PRKN: variants seen among roughly 807,000 people sequenced by gnomAD.
The protein encoded by PRKN is parkin RBR E3 ubiquitin protein ligase.
A neutral mutation model predicts 59.5 loss-of-function variants in PRKN; 56 were observed. The ratio of observed to expected loss-of-function variants is 0.94; its 90% CI spans 0.76 to 1.18. The LOEUF (loss-of-function observed/expected upper bound fraction) is 1.18, where lower values mean the gene tolerates loss of function less well. Among genes scored for constraint, PRKN ranks in the 50% most tolerant of loss-of-function variants. The probability of loss-of-function intolerance (pLI) is 0.00; values close to 1 mark genes in which losing one functional copy is unlikely to be tolerated. For synonymous variants in PRKN, 250 were observed against 222.1 expected (o/e 1.13, Z -1.12); for missense variants, 657 against 596.4 (o/e 1.10, Z -1.06).
intron 6 of PRKN, among the ~76,000 whole-genome samples, chr6:161,822,345 C>G (rs1448807892): frequency 6.6e-6 from 1 of 152,148 alleles, no homozygotes; most frequent in Admixed American, 6.6e-5. Flanking sequence ...GTAGACGCAA[C>G]AGCAGAAGCT....
At chr6:161,707,441 A>G (rs942409144) in intron 7 of PRKN, among the ~76,000 whole-genome samples, 1 of 152,334 alleles carries the variant, frequency 6.6e-6, no homozygotes. Context: ...CTCCAATAGG[A>G]AAGAAATGCT....
At chr6:161,807,246 C>A (rs937251076) in intron 6 of PRKN, among the ~76,000 whole-genome samples, 1 of 152,158 alleles carries the variant, frequency 6.6e-6, no homozygotes, top group Non-Finnish European at 1.5e-5. Flanking sequence ...CACGTGTGCA[C>A]ACACACACGA....
At position 161,363,802 on chromosome 6, in the gene PRKN, T is replaced by A. The variant is rs375399733; in HGVS notation, c.1168-3597A>T. Among the ~76,000 whole-genome samples, 2 of 152,128 alleles carry A rather than the reference T, an allele frequency of 1.3e-5. No homozygotes were observed. The highest frequency in any genetic ancestry group is 2.9e-5 in the Non-Finnish European group (2 of 68,020). ...TCCAAGCAAAATTAATTTTTAAGAA[T>A]GAGCATAAATAAAAACACAGTAATA... On this transcript the variant is annotated intron_variant, in intron 10 of 11. Coordinates refer to ENST00000366898, the MANE Select transcript of PRKN (RefSeq NM_004562.3). The surrounding 1 kb of genome is among the most constrained non-coding windows in gnomAD (Gnocchi z 4.1).
At chr6:161,972,685 G>C (rs1212093385) in intron 6 of PRKN, among the ~76,000 whole-genome samples, 1 of 152,206 alleles carries the variant, frequency 6.6e-6, no homozygotes, top group Admixed American at 6.5e-5. Context: ...GTATGGAAAA[G>C]ACATTTTAAA....
chr6:161,749,917 C>A (rs1318932502), intron 7 of PRKN, among the ~76,000 whole-genome samples: 1 of 152,094 alleles, frequency 6.6e-6, no homozygotes, highest in East Asian at 1.9e-4. Context: ...CAGATTTTAT[C>A]CTTTGTAAAA....
At chr6:161,438,342 TGAG>T (rs1192101142) in intron 9 of PRKN, among the ~76,000 whole-genome samples, 6 of 150,368 alleles carry the variant, frequency 4.0e-5, no homozygotes, top group Non-Finnish European at 8.8e-5. Context: ...CTCAGCCTCC[TGAG>T]GAGCTAGAAC....
intron 5 of PRKN, among the ~76,000 whole-genome samples, chr6:162,004,871 G>C (rs1782189706): frequency 6.6e-6 from 1 of 152,130 alleles, no homozygotes; most frequent in Non-Finnish European, 1.5e-5. Flanking sequence ...TGTTGATGTT[G>C]GGCTCAGTGG....
intron 6 of PRKN, among the ~76,000 whole-genome samples, chr6:161,917,636 T>G (rs1425125537): frequency 6.6e-6 from 1 of 152,222 alleles, no homozygotes; most frequent in Non-Finnish European, 1.5e-5. Context: ...AAGCTTCTTA[T>G]GAAATCCTAA....
chr6:162,539,814 G>A (rs777737439), intron 1 of PRKN, among the ~76,000 whole-genome samples: 3 of 152,108 alleles, frequency 2.0e-5, no homozygotes, highest in African/African-American at 7.2e-5. Flanking sequence ...AGATTATAAA[G>A]ACACATGCAA....
At chr6:162,341,396 C>G (rs1027354727) in intron 2 of PRKN, among the ~76,000 whole-genome samples, 2 of 152,136 alleles carry the variant, frequency 1.3e-5, no homozygotes, top group Non-Finnish European at 2.9e-5. Flanking sequence ...ACCCAGCAAT[C>G]CCATTACTGG....
chr6:162,011,453 TAA>T (rs1171767798), intron 5 of PRKN, among the ~76,000 whole-genome samples: 2 of 20,902 alleles, frequency 9.6e-5, no homozygotes, highest in African/African-American at 1.3e-3. Context: ...TTATAATATA[TAA>T]TATATATATT....
intron 4 of PRKN, among the ~76,000 whole-genome samples, chr6:162,117,712 C>G (rs1427930009): frequency 6.6e-6 from 1 of 152,228 alleles, no homozygotes; most frequent in Non-Finnish European, 1.5e-5. Flanking sequence ...TCCATCCTTT[C>G]TGGAGTCAGG....
intron 7 of PRKN, among the ~76,000 whole-genome samples, chr6:161,731,833 G>A (rs1353773290): frequency 6.6e-6 from 1 of 152,164 alleles, no homozygotes; most frequent in Non-Finnish European, 1.5e-5. Context: ...GAGCACAACT[G>A]CATTGTGAAT....
chr6:161,402,267 A>G lies in PRKN; in HGVS notation c.1084-15390T>C, dbSNP rs1201913827. Among the ~76,000 whole-genome samples, 1 of 152,186 alleles carries G rather than the reference A, an allele frequency of 6.6e-6. No individual in the cohort carries two copies. Among genetic ancestry groups the G allele is most frequent in the Non-Finnish European group, 1.5e-5 (1 of 68,040 alleles). On this transcript the variant is annotated intron_variant, in intron 9 of 11. Transcript: ENST00000366898. This position sits in a 1 kb window ranked among gnomAD's most constrained non-coding sequence, Gnocchi z 4.5. ...CATGCACACCTTGCAGTGTCTTATG[A>G]AATTATAAAATAAAACCCAGACTTA... is the stretch of plus-strand genomic sequence containing the variant.
chr6:161,494,549 CTGTT>C (rs1256832166), intron 9 of PRKN, among the ~76,000 whole-genome samples: 1 of 152,206 alleles, frequency 6.6e-6, no homozygotes, highest in Non-Finnish European at 1.5e-5. Context: ...GATTTCAAAT[CTGTT>C]TGTGCAAGGA....
intron 2 of PRKN, among the ~76,000 whole-genome samples, chr6:162,432,130 C>A (rs975393044): frequency 6.6e-6 from 1 of 152,028 alleles, no homozygotes; most frequent in Admixed American, 6.5e-5. Context: ...ACATTATTTC[C>A]CCCTCAAAAC....
intron 5 of PRKN, among the ~76,000 whole-genome samples, chr6:162,026,582 A>C (rs1783443478): frequency 6.6e-6 from 1 of 152,226 alleles, no homozygotes; most frequent in Non-Finnish European, 1.5e-5. Flanking sequence ...AGATGTTCTG[A>C]AGCTATATTA....
intron 4 of PRKN, among the ~76,000 whole-genome samples, chr6:162,194,565 G>A (rs142423283): frequency 3.9e-5 from 6 of 152,182 alleles, no homozygotes; most frequent in South Asian, 2.1e-4. Flanking sequence ...TCGATCAACC[G>A]TCTTTAAGGA....
chr6:162,715,666 G>T (rs1303680082), intron 1 of PRKN, among the ~76,000 whole-genome samples: 1 of 152,152 alleles, frequency 6.6e-6, no homozygotes, highest in African/African-American at 2.4e-5. Flanking sequence ...TTAAGATTGA[G>T]CGGTTCCTCA....
Sources: gnomAD v4.1 joint callset for allele counts (sites outside exome capture counted in the v4.1 genomes callset) on GRCh38, gnomAD v4.1.1 for gene constraint, Gnocchi (gnomAD v3.1) non-coding constraint, MANE v1.5 for transcripts, NCBI Gene and HGNC (gene_info 2026-07-23, HGNC 2026-07-21) for gene names.